The following FGF12 variants were observed in gnomAD, a reference collection of about 807,000 sequenced individuals.
FGF12 encodes the protein fibroblast growth factor 12B.
Under a neutral mutation model 23.6 loss-of-function variants are expected in FGF12, and 14 were observed. That is an observed-to-expected ratio of 0.59 (90% CI 0.39 to 0.93). The LOEUF (loss-of-function observed/expected upper bound fraction) is 0.93, where lower values mean the gene tolerates loss of function less well. Ranked by LOEUF, FGF12 falls within the 40% of genes least tolerant of loss-of-function variation. The pLI is 0.00. For missense variants in FGF12, 175 were observed against 217.8 expected (o/e 0.80, Z 1.24); for synonymous variants, 62 against 77.3 (o/e 0.80, Z 1.04).
intron 2 of FGF12, among the ~76,000 whole-genome samples, chr3:192,505,996 A>C (rs562112298): frequency 1.3e-5 from 2 of 152,384 alleles, no homozygotes; most frequent in South Asian, 4.1e-4. Context: ...ACAAATATGC[A>C]TGTAACATAT....
At chr3:192,632,135 C>T (rs571207891) in intron 2 of FGF12, among the ~76,000 whole-genome samples, 3 of 152,286 alleles carry the variant, frequency 2.0e-5, no homozygotes, top group East Asian at 3.9e-4. Flanking sequence ...ATTACACTTA[C>T]GATGTGGTAC....
chr3:192,482,013 G>T (rs1357911114), intron 2 of FGF12, among the ~76,000 whole-genome samples: 1 of 152,052 alleles, frequency 6.6e-6, no homozygotes, highest in Non-Finnish European at 1.5e-5. Context: ...TGATTTTTAG[G>T]AATAGTAACT....
chr3:192,578,053 T>C (rs1712984207), intron 2 of FGF12, among the ~76,000 whole-genome samples: 2 of 152,142 alleles, frequency 1.3e-5, no homozygotes, highest in African/African-American at 4.8e-5. Context: ...AATAGCAACA[T>C]TGTACATTCA....
chr3:192,176,622 A>G (rs528771061), intron 4 of FGF12, among the ~76,000 whole-genome samples: 1 of 152,332 alleles, frequency 6.6e-6, no homozygotes, highest in Admixed American at 6.5e-5. Flanking sequence ...CTCTTTTTCT[A>G]TTACATTAAA....
intron 5 of FGF12, among the ~76,000 whole-genome samples, chr3:192,169,267 G>A (rs1715405961): frequency 6.6e-6 from 1 of 152,162 alleles, no homozygotes; most frequent in East Asian, 1.9e-4. Context: ...CTGGAACCCA[G>A]GGGGCAGAGG....
chr3:192,616,155 T>A (rs1337722179), intron 2 of FGF12, among the ~76,000 whole-genome samples: 1 of 151,976 alleles, frequency 6.6e-6, no homozygotes, highest in African/African-American at 2.4e-5. Flanking sequence ...ACTGAAAAAA[T>A]TATCTTAAGT....
At chr3:192,393,348 G>C (rs1264021152) in intron 2 of FGF12, among the ~76,000 whole-genome samples, 1 of 152,174 alleles carries the variant, frequency 6.6e-6, no homozygotes, top group Non-Finnish European at 1.5e-5. Flanking sequence ...TGTAAATAGG[G>C]AGAAATAATC....
chr3:192,216,463 G>A lies in FGF12; in HGVS notation c.229-45807C>T, dbSNP rs976567074. ...TGGAAAGTAAATGAATTTGCACATC[G>A]TTCCATCAAATGAAATACATATCAT... On this transcript the variant is annotated intron_variant, in intron 4 of 5. Transcript: ENST00000445105. Among the ~76,000 whole-genome samples, 17 of 152,246 alleles carry A rather than the reference G, an allele frequency of 1.1e-4. 2 individuals carry two copies. Among genetic ancestry groups the A allele is most frequent in the Middle Eastern group, 3.4e-3 (1 of 294 alleles).
chr3:192,260,112 A>G (rs1010521077), intron 4 of FGF12, among the ~76,000 whole-genome samples: 1 of 152,110 alleles, frequency 6.6e-6, no homozygotes, highest in Non-Finnish European at 1.5e-5. Context: ...AACCTCACCA[A>G]TCTCCAAACC....
At chr3:192,415,573 G>C (rs1721322379) in intron 2 of FGF12, among the ~76,000 whole-genome samples, 1 of 151,910 alleles carries the variant, frequency 6.6e-6, no homozygotes, top group East Asian at 1.9e-4. Flanking sequence ...TTCCAAAGTT[G>C]ATTGTTTTGT....
At chr3:192,470,995 C>A (rs1465067966) in intron 2 of FGF12, among the ~76,000 whole-genome samples, 1 of 152,122 alleles carries the variant, frequency 6.6e-6, no homozygotes, top group Non-Finnish European at 1.5e-5. Flanking sequence ...TCTCCTCCAC[C>A]CTTTATTATC....
chr3:192,216,838 A>G (rs1390259283), intron 4 of FGF12, among the ~76,000 whole-genome samples: 1 of 152,218 alleles, frequency 6.6e-6, no homozygotes, highest in Non-Finnish European at 1.5e-5. Context: ...CACGGGCTTA[A>G]ACTCTGGTTT....
intron 2 of FGF12, among the ~76,000 whole-genome samples, chr3:192,490,516 T>C (rs1040685784): frequency 2.0e-5 from 3 of 151,154 alleles, no homozygotes; most frequent in Admixed American, 6.6e-5. Flanking sequence ...CACATATGTA[T>C]ACATTCACAA....
intron 2 of FGF12, among the ~76,000 whole-genome samples, chr3:192,602,919 T>C (rs1039902517): frequency 1.3e-5 from 2 of 151,898 alleles, no homozygotes; most frequent in African/African-American, 4.8e-5. Context: ...TCTCTATAAA[T>C]AGAATTAACA....
Position 192,289,052 on chromosome 3 carries a change from G to A in FGF12, c.228+46309C>T, listed in dbSNP as rs141484505. Among the ~76,000 whole-genome samples the A allele has an allele frequency of 1.7e-3, 256 of 152,210 alleles. 2 individuals carry two copies. The highest frequency in any genetic ancestry group is 5.8e-3 in the African/African-American group (243 of 41,546). ...TATTATCACCAAGAAATCTTTCCAG[G>A]AAATTAGATGACATTCAAGGAAAAC... On this transcript the variant is annotated intron_variant, in intron 4 of 5. Coordinates refer to ENST00000445105, the MANE Select transcript of FGF12 (RefSeq NM_004113.6).
chr3:192,647,583 A>G (rs1287125867), intron 2 of FGF12, among the ~76,000 whole-genome samples: 1 of 151,836 alleles, frequency 6.6e-6, no homozygotes, highest in Non-Finnish European at 1.5e-5. Context: ...TTGATAGTCA[A>G]TAATCAAAGA....
intron 5 of FGF12, among the ~76,000 whole-genome samples, chr3:192,155,280 T>C (rs573902115): frequency 1.8e-4 from 27 of 152,308 alleles, no homozygotes; most frequent in East Asian, 3.9e-4. Flanking sequence ...TCTTCTGCAT[T>C]GCTCACGCTG....
intron 2 of FGF12, among the ~76,000 whole-genome samples, chr3:192,711,677 C>A (rs1003284676): frequency 5.9e-5 from 9 of 152,056 alleles, no homozygotes; most frequent in Admixed American, 5.2e-4. Context: ...AAACATGTAC[C>A]GTGTCCACTC....
chr3:192,379,257 G>C (rs1213253202), intron 2 of FGF12, among the ~76,000 whole-genome samples: 1 of 152,012 alleles, frequency 6.6e-6, no homozygotes, highest in Non-Finnish European at 1.5e-5. Context: ...ATGACTGTGT[G>C]ATAAATACAT....
Sources: allele counts gnomAD v4.1 joint callset (sites outside exome capture counted in the v4.1 genomes callset), GRCh38; gene constraint gnomAD v4.1.1; transcripts MANE v1.5; gene names NCBI Gene and HGNC (gene_info 2026-07-23, HGNC 2026-07-21).